The following SMG6 variants were observed in gnomAD, a reference collection of about 807,000 sequenced individuals.
SMG6 encodes the protein telomerase-binding protein EST1A.
A neutral mutation model predicts 142.2 loss-of-function variants in SMG6; 66 were observed. The ratio of observed to expected loss-of-function variants is 0.46; its 90% CI spans 0.38 to 0.57. SMG6 has a LOEUF of 0.57. SMG6 is among the 20% of genes least tolerant of loss of function. The probability of loss-of-function intolerance (pLI) is 0.00; values close to 1 mark genes in which losing one functional copy is unlikely to be tolerated. For missense variants in SMG6, 1,793 were observed against 1,832.0 expected, an observed-to-expected ratio of 0.98 and a Z score of 0.39; for synonymous variants, 779 against 702.4, an observed-to-expected ratio of 1.11 and a Z score of -1.72.
chr17:2,285,114 G>C (rs1362660915), intron 6 of SMG6, among the ~76,000 whole-genome samples: 1 of 152,066 alleles, frequency 6.6e-6, no homozygotes, highest in African/African-American at 2.4e-5. Flanking sequence ...AGTCTAATTT[G>C]CATCACTGTC....
At chr17:2,201,771 C>G (rs750675263) in intron 10 of SMG6, among the ~76,000 whole-genome samples, 2 of 151,884 alleles carry the variant, frequency 1.3e-5, no homozygotes, top group Non-Finnish European at 2.9e-5. Context: ...TGGCTGTAAT[C>G]TCAGCACTTT....
chr17:2,249,042 A>G (rs527784956), intron 8 of SMG6, among the ~76,000 whole-genome samples: 1 of 150,148 alleles, frequency 6.7e-6, no homozygotes, highest in South Asian at 2.1e-4. Context: ...GCCCGCCACC[A>G]CGCCCCGTTA....
At chr17:2,098,846 G>A (rs1481005655) in intron 13 of SMG6, among the ~76,000 whole-genome samples, 1 of 151,914 alleles carries the variant, frequency 6.6e-6, no homozygotes, top group East Asian at 1.9e-4. Context: ...GGTCAGGCTG[G>A]TCTCAAACTC....
chr17:2,301,515 G>A (rs182795337), intron 1 of SMG6, among the ~76,000 whole-genome samples: 1 of 152,276 alleles, frequency 6.6e-6, no homozygotes, highest in Admixed American at 6.5e-5. Flanking sequence ...CCAACAACTG[G>A]GAACTCAAGA....
At chr17:2,104,843 CATTAT>C (rs779254197) in intron 13 of SMG6, among the ~76,000 whole-genome samples, 1 of 152,042 alleles carries the variant, frequency 6.6e-6, no homozygotes, top group African/African-American at 2.4e-5. Flanking sequence ...GTGCTCAGTT[CATTAT>C]ATTATAATAT....
At chr17:2,162,816 C>T (rs1012511567) in intron 13 of SMG6, among the ~76,000 whole-genome samples, 2 of 152,058 alleles carry the variant, frequency 1.3e-5, no homozygotes, top group East Asian at 1.9e-4. Flanking sequence ...TTTTCTTTTC[C>T]GTATTGCTAA....
intron 10 of SMG6, 69 bp from the exon 11 acceptor site, chr17:2,188,584 G>A (rs180673456): frequency 2.6e-4 from 358 of 1,382,010 alleles, no homozygotes; most frequent in Middle Eastern, 1.1e-3. Context: ...CCACGTTACC[G>A]AGCTTCCTTT....
At chr17:2,066,044 C>T (rs923637468) in intron 16 of SMG6, 25 of 250,414 alleles carry the variant, frequency 1.0e-4, no homozygotes, top group Non-Finnish European at 1.7e-4. Context: ...TGCAGCAGCT[C>T]GAGGGAAAGG....
chr17:2,209,871 C>G (rs116247053), intron 10 of SMG6, among the ~76,000 whole-genome samples: 10 of 152,072 alleles, frequency 6.6e-5, no homozygotes, highest in Non-Finnish European at 1.2e-4. Context: ...TTTACTGAAC[C>G]CTTACTATAT....
intron 12 of SMG6, among the ~76,000 whole-genome samples, chr17:2,184,124 G>A (rs1356801683): frequency 1.3e-5 from 2 of 152,208 alleles, no homozygotes; most frequent in African/African-American, 2.4e-5. Context: ...CACTTCTGGA[G>A]GCTGAGGCGG....
intron 12 of SMG6, among the ~76,000 whole-genome samples, chr17:2,180,196 C>T (rs1312999867): frequency 6.6e-6 from 1 of 152,170 alleles, no homozygotes; most frequent in Non-Finnish European, 1.5e-5. Flanking sequence ...TCCCTTCTCA[C>T]CAGAGGCTTG....
chr17:2,152,181 G>A (rs1204380343), intron 13 of SMG6, among the ~76,000 whole-genome samples: 6 of 152,168 alleles, frequency 3.9e-5, no homozygotes, highest in Non-Finnish European at 7.3e-5. Flanking sequence ...CATCATAGGC[G>A]GGGACAGGAG....
chr17:2,282,016 G>GAAGT (rs2074798444), intron 8 of SMG6, among the ~76,000 whole-genome samples: 1 of 152,192 alleles, frequency 6.6e-6, no homozygotes, highest in South Asian at 2.1e-4. Context: ...CCCAAAAACA[G>GAAGT]AAGTAATTAC....
intron 10 of SMG6, among the ~76,000 whole-genome samples, chr17:2,189,553 A>C (rs1351276509): frequency 6.6e-6 from 1 of 152,192 alleles, no homozygotes; most frequent in Non-Finnish European, 1.5e-5. Context: ...GAACTCTCAG[A>C]ATCTCCAAGT....
chr17:2,221,037 A>T (rs1417581260), intron 10 of SMG6, among the ~76,000 whole-genome samples: 2 of 152,200 alleles, frequency 1.3e-5, no homozygotes, highest in African/African-American at 2.4e-5. Flanking sequence ...TCTAGTCAGG[A>T]AGAAAGGACA....
At chr17:2,084,468 G>T (rs911144494) in intron 14 of SMG6, among the ~76,000 whole-genome samples, 1 of 152,206 alleles carries the variant, frequency 6.6e-6, no homozygotes, top group Admixed American at 6.5e-5. Context: ...TGTCATCAGG[G>T]GTGGGGTGGG....
At chr17:2,083,713 G>A (rs543342786) in intron 14 of SMG6, among the ~76,000 whole-genome samples, 2 of 152,346 alleles carry the variant, frequency 1.3e-5, no homozygotes, top group South Asian at 2.1e-4. Flanking sequence ...CTAGCCCATG[G>A]GGGAACACTG....
At chr17:2,153,763 G>A (rs1467784903) in intron 13 of SMG6, among the ~76,000 whole-genome samples, 3 of 115,324 alleles carry the variant, frequency 2.6e-5, no homozygotes, top group South Asian at 6.1e-4. Context: ...AGAGTGTGAC[G>A]GTGACTGGGA....
intron 13 of SMG6, among the ~76,000 whole-genome samples, chr17:2,156,202 C>T (rs1567643802): frequency 6.6e-6 from 1 of 150,800 alleles, no homozygotes; most frequent in Non-Finnish European, 1.5e-5. Context: ...CCATCCTGGG[C>T]AACATAATGA....
Sources: gnomAD v4.1 joint callset for allele counts (sites outside exome capture counted in the v4.1 genomes callset) on GRCh38, gnomAD v4.1.1 for gene constraint, MANE v1.5 for transcripts, NCBI Gene and HGNC (gene_info 2026-07-23, HGNC 2026-07-21) for gene names.